The following SGMS1 variants were observed in gnomAD, a reference collection of about 807,000 sequenced individuals.
SGMS1 encodes the protein phosphatidylcholine:ceramide cholinephosphotransferase 1.
In SGMS1, 13 loss-of-function variants were observed where a neutral mutation model predicts 46.2. That is an observed-to-expected ratio of 0.28 (90% CI 0.18 to 0.45). The LOEUF (loss-of-function observed/expected upper bound fraction) is 0.45, where lower values mean the gene tolerates loss of function less well. SGMS1 is among the 20% of genes least tolerant of loss of function. The pLI, the probability that SGMS1 is intolerant of heterozygous loss-of-function variation, is 1.00. For missense variants in SGMS1, 324 were observed against 519.9 expected (o/e 0.62, Z 3.66); for synonymous variants, 203 against 187.8 (o/e 1.08, Z -0.66).
rs149063578 is a variant in SGMS1 at position 50,583,245 on chromosome 10, A to G, written c.-589+6908T>C. On this transcript the variant is annotated intron_variant, in intron 2 of 10. Transcript: ENST00000361781. ...CACTTCTTTATCCTGCCTCCCCAAT[A>G]TCTCCTAAAGGTCAAACAAGAATAC... Among the ~76,000 whole-genome samples the G allele has an allele frequency of 1.6e-4, 25 of 152,284 alleles. No individual in the cohort carries two copies. The East Asian group carries it at 4.6e-3, about 28-fold the overall frequency.
At chr10:50,370,164 G>T (rs1055944903) in intron 6 of SGMS1, among the ~76,000 whole-genome samples, 1 of 152,116 alleles carries the variant, frequency 6.6e-6, no homozygotes, top group African/African-American at 2.4e-5. Context: ...GGACATTACT[G>T]TACACTACTG....
chr10:50,346,556 T>C (rs117345492), intron 6 of SGMS1, among the ~76,000 whole-genome samples: 2,794 of 152,264 alleles, frequency 0.018, 39 homozygotes, highest in Middle Eastern at 0.048. Context: ...CTCCTGGGGA[T>C]AGCAGTATGC....
intron 5 of SGMS1, among the ~76,000 whole-genome samples, chr10:50,449,268 T>C (rs1219876962): frequency 6.6e-6 from 1 of 152,206 alleles, no homozygotes; most frequent in South Asian, 2.1e-4. Context: ...AGAACAGATA[T>C]GGTTAAATCC....
At chr10:50,624,774 G>A (rs984540486), upstream of SGMS1, 1 of 986,290 alleles carries the variant, frequency 1.0e-6, no homozygotes, top group Non-Finnish European at 1.2e-6. Context: ...ACAGCGGGGA[G>A]AGCTGGCCTT....
At chr10:50,541,431 T>G (rs1180197250) in intron 2 of SGMS1, among the ~76,000 whole-genome samples, 2 of 152,182 alleles carry the variant, frequency 1.3e-5, no homozygotes, top group Admixed American at 1.3e-4. Context: ...CATCTTTCAT[T>G]GACTATCTAA....
chr10:50,372,897 T>C (rs1029843280), intron 6 of SGMS1, among the ~76,000 whole-genome samples: 13 of 152,126 alleles, frequency 8.5e-5, no homozygotes, highest in African/African-American at 3.1e-4. Flanking sequence ...AATTTTTTTA[T>C]TCTTTGCTAT....
intron 1 of SGMS1, among the ~76,000 whole-genome samples, chr10:50,600,061 C>A (rs1257965961): frequency 6.6e-6 from 1 of 152,052 alleles, no homozygotes; most frequent in African/African-American, 2.4e-5. Context: ...CCAAGTGACC[C>A]CAAGGCGGCA....
At chr10:50,340,122 C>A (rs1042841499) in intron 7 of SGMS1, among the ~76,000 whole-genome samples, 22 of 152,186 alleles carry the variant, frequency 1.4e-4, no homozygotes, top group African/African-American at 4.8e-4. Flanking sequence ...AATCTGGTTT[C>A]ATGCAAGTTG....
chr10:50,506,097 T>G (rs7078940), intron 3 of SGMS1, among the ~76,000 whole-genome samples: 18,129 of 152,136 alleles, frequency 0.12, 1,183 homozygotes, highest in Middle Eastern at 0.21. Flanking sequence ...CTCTTACCCT[T>G]CAGACTTCTC....
chr10:50,434,878 C>T (rs1282788909), intron 5 of SGMS1, among the ~76,000 whole-genome samples: 12 of 110,256 alleles, frequency 1.1e-4, no homozygotes, highest in Non-Finnish European at 1.7e-4. Context: ...AGCAAGACTC[C>T]GTCTCAAAAA....
At chr10:50,404,971 T>C (rs892747599) in intron 6 of SGMS1, among the ~76,000 whole-genome samples, 1 of 152,162 alleles carries the variant, frequency 6.6e-6, no homozygotes, top group African/African-American at 2.4e-5. Flanking sequence ...GAACGGTATG[T>C]ATATTAATCC....
intron 6 of SGMS1, among the ~76,000 whole-genome samples, chr10:50,355,883 G>A (rs542013184): frequency 3.3e-5 from 5 of 152,166 alleles, no homozygotes; most frequent in African/African-American, 4.8e-5. Flanking sequence ...CTGCCCAGCC[G>A]CGACCCCGTC....
chr10:50,623,552 G>C (rs1838878111), intron 1 of SGMS1, 155 bp downstream of exon 1: 2 of 980,840 alleles, frequency 2.0e-6, no homozygotes, highest in Non-Finnish European at 1.2e-6. Context: ...TGCCCGCCAG[G>C]TACGCGCGCG....
chr10:50,466,005 G>C (rs1204192196), intron 4 of SGMS1, among the ~76,000 whole-genome samples: 1 of 152,080 alleles, frequency 6.6e-6, no homozygotes, highest in African/African-American at 2.4e-5. Flanking sequence ...AGAAAATAAA[G>C]AGACAGGAAA....
chr10:50,448,613 G>A (rs1916571), intron 5 of SGMS1, among the ~76,000 whole-genome samples: 26,350 of 151,534 alleles, frequency 0.17, 2,599 homozygotes, highest in Admixed American at 0.23. Flanking sequence ...GCGTGGTGGC[G>A]CATGCCTGTA....
chr10:50,582,130 T>C (rs1166111260), intron 2 of SGMS1, among the ~76,000 whole-genome samples: 1 of 152,234 alleles, frequency 6.6e-6, no homozygotes, highest in Non-Finnish European at 1.5e-5. Context: ...TGTTTTCTGC[T>C]AAGTTTTTCC....
At chr10:50,315,024 G>C (rs938779684) in intron 8 of SGMS1, among the ~76,000 whole-genome samples, 1 of 152,172 alleles carries the variant, frequency 6.6e-6, no homozygotes, top group African/African-American at 2.4e-5. Context: ...TGGGGTGCCT[G>C]CTGTAAATGC....
intron 3 of SGMS1, among the ~76,000 whole-genome samples, chr10:50,506,383 T>C (rs756030684): frequency 2.0e-5 from 3 of 152,134 alleles, no homozygotes; most frequent in Non-Finnish European, 2.9e-5. Flanking sequence ...AAGCCTTCCT[T>C]CTCATGCTTC....
chr10:50,544,992 GAA>G (rs2133823736), intron 2 of SGMS1, among the ~76,000 whole-genome samples: 1 of 152,320 alleles, frequency 6.6e-6, no homozygotes, highest in Non-Finnish European at 1.5e-5. Context: ...CAAGGGAAGT[GAA>G]ATGAACACAG....
Sources: gnomAD v4.1 joint callset for allele counts (sites outside exome capture counted in the v4.1 genomes callset) on GRCh38, gnomAD v4.1.1 for gene constraint, MANE v1.5 for transcripts, NCBI Gene and HGNC (gene_info 2026-07-23, HGNC 2026-07-21) for gene names.